Variants in CEP112 observed in about 807,000 individuals in gnomAD.
The protein encoded by CEP112 is centrosomal protein 112, also known as centrosomal protein of 112 kDa.
CEP112 carries 127 observed loss-of-function variants against 153.0 expected under a neutral mutation model. The ratio of observed to expected loss-of-function variants is 0.83; its 90% confidence interval spans 0.72 to 0.96. The LOEUF is 0.96. Among genes scored for constraint, CEP112 ranks in the 40% least tolerant of loss-of-function variants. CEP112 has a pLI of 0.00. For missense variants in CEP112, 1,089 were observed against 1,101.2 expected (o/e 0.99, Z 0.16); for synonymous variants, 358 against 374.4 (o/e 0.96, Z 0.51).
intron 23 of CEP112, among the ~76,000 whole-genome samples, chr17:65,718,931 G>A (rs1297720579): frequency 1.3e-5 from 2 of 152,204 alleles, no homozygotes; most frequent in African/African-American, 2.4e-5. Flanking sequence ...GAGAGGTAGA[G>A]AGAAAGGGAA....
At chr17:66,016,138 C>T (rs564904987) in intron 16 of CEP112, among the ~76,000 whole-genome samples, 13 of 152,238 alleles carry the variant, frequency 8.5e-5, no homozygotes, top group Middle Eastern at 6.8e-3. Flanking sequence ...TCATAGATAT[C>T]ATATCTTCTT....
Position 65,655,106 on chromosome 17 carries a change from G to A in CEP112, c.2698-14041C>T, listed in dbSNP as rs544099433. 791 of 713,646 alleles carry A rather than the reference G, an allele frequency of 1.1e-3. 11 individuals carry two copies. The highest frequency in any genetic ancestry group is 9.8e-3 in the South Asian group (724 of 74,028). 44.2% of individuals were successfully genotyped at this position (713,646 alleles called of 1,614,324 possible). On this transcript the variant is annotated intron_variant, in intron 24 of 26. Coordinates refer to ENST00000535342, the MANE Select transcript of CEP112 (RefSeq NM_001199165.4). ...CACCAATAATGTGTTTAAAGTTGGC[G>A]TCATTCCCAAGCCATGGAGATGGGA... is the stretch of plus-strand genomic sequence containing the variant.
At chr17:65,886,406 CAG>C (rs1317497724) in intron 20 of CEP112, among the ~76,000 whole-genome samples, 4 of 152,134 alleles carry the variant, frequency 2.6e-5, no homozygotes, top group African/African-American at 9.7e-5. Flanking sequence ...TTTAATTTGT[CAG>C]AGTTTCTGCA....
intron 4 of CEP112, among the ~76,000 whole-genome samples, chr17:66,162,607 G>C (rs764803541): frequency 6.6e-6 from 1 of 152,158 alleles, no homozygotes; most frequent in African/African-American, 2.4e-5. Context: ...ATTGCTAAAT[G>C]CAACAACATG....
intron 24 of CEP112, among the ~76,000 whole-genome samples, chr17:65,687,458 GC>G (rs2047865929): frequency 1.3e-5 from 2 of 151,908 alleles, no homozygotes; most frequent in South Asian, 4.1e-4. Context: ...GAGCCACTGC[GC>G]CCGGCCTAGT....
At chr17:65,897,582 C>G (rs576710772) in intron 20 of CEP112, among the ~76,000 whole-genome samples, 1 of 152,048 alleles carries the variant, frequency 6.6e-6, no homozygotes, top group Non-Finnish European at 1.5e-5. Context: ...ATTCCTGGCA[C>G]AGTGATGAAA....
chr17:65,780,546 A>G (rs1373026356), intron 21 of CEP112, among the ~76,000 whole-genome samples: 1 of 152,066 alleles, frequency 6.6e-6, no homozygotes, highest in African/African-American at 2.4e-5. Context: ...TTTTTTTAAA[A>G]TCTCTACCTT....
At chr17:65,720,993 ATCTC>A (rs1311977514) in intron 23 of CEP112, among the ~76,000 whole-genome samples, 86 of 128,240 alleles carry the variant, frequency 6.7e-4, no homozygotes, top group Middle Eastern at 3.9e-3. Context: ...TTTAAGTTTT[ATCTC>A]TCTCTCTCTC....
chr17:66,063,954 T>G (rs2067019913), intron 10 of CEP112, among the ~76,000 whole-genome samples: 1 of 152,172 alleles, frequency 6.6e-6, no homozygotes, highest in African/African-American at 2.4e-5. Context: ...AAACTCCTAC[T>G]CATCCTTAGA....
intron 22 of CEP112, among the ~76,000 whole-genome samples, chr17:65,749,379 G>A (rs943077125): frequency 1.3e-5 from 2 of 152,088 alleles, no homozygotes; most frequent in Admixed American, 1.3e-4. Context: ...GTGGTGGCGG[G>A]CACCTGTAGT....
At chr17:65,815,651 A>C (rs1023725739) in intron 21 of CEP112, among the ~76,000 whole-genome samples, 1 of 152,056 alleles carries the variant, frequency 6.6e-6, no homozygotes, top group African/African-American at 2.4e-5. Context: ...ATTTCCTTCC[A>C]TTTAATTACA....
intron 24 of CEP112, among the ~76,000 whole-genome samples, chr17:65,668,006 C>T (rs2046784359): frequency 6.6e-6 from 1 of 152,054 alleles, no homozygotes; most frequent in African/African-American, 2.4e-5. Context: ...AAGTGATTCT[C>T]CTGGTTCAGC....
chr17:65,882,377 C>T (rs562694149), intron 20 of CEP112, among the ~76,000 whole-genome samples: 10 of 152,262 alleles, frequency 6.6e-5, no homozygotes, highest in South Asian at 4.1e-4. Context: ...TAAGAAGGCC[C>T]GTAGTACATG....
At chr17:65,823,993 G>C (rs2056719378) in intron 21 of CEP112, among the ~76,000 whole-genome samples, 1 of 152,112 alleles carries the variant, frequency 6.6e-6, no homozygotes, top group Non-Finnish European at 1.5e-5. Flanking sequence ...ATACACTGCT[G>C]GTGGGAGTGC....
At chr17:65,809,862 A>G (rs974393512) in intron 21 of CEP112, among the ~76,000 whole-genome samples, 76 of 150,700 alleles carry the variant, frequency 5.0e-4, no homozygotes, top group Non-Finnish European at 8.9e-4. Flanking sequence ...TGGGGGGGGG[A>G]AGATAAGGTG....
intron 8 of CEP112, among the ~76,000 whole-genome samples, chr17:66,075,317 T>C (rs1232954049): frequency 6.6e-6 from 1 of 152,048 alleles, no homozygotes; most frequent in Non-Finnish European, 1.5e-5. Flanking sequence ...AGGTGGAAAT[T>C]AGAAAATGGG....
chr17:66,145,308 T>C (rs1249109557), intron 4 of CEP112, among the ~76,000 whole-genome samples: 1 of 152,186 alleles, frequency 6.6e-6, no homozygotes, highest in Non-Finnish European at 1.5e-5. Flanking sequence ...ATATATGTGA[T>C]GAAAATTTTT....
rs73336700 is a variant in CEP112, at chr17:65,968,949, T to C, written c.1737-7351A>G. Among the ~76,000 whole-genome samples the C allele has an allele frequency of 8.6e-3, 1,304 of 152,338 alleles. 21 individuals carry two copies. Among genetic ancestry groups the C allele is most frequent in the African/African-American group, 0.03 (1,237 of 41,574 alleles). Reference sequence around the variant, plus strand: ...TAGCAATATTTGTATATCAAATATCTAGAGTATTTGAAAGCTAAAATGTTC... The same window carrying C: ...TAGCAATATTTGTATATCAAATATCCAGAGTATTTGAAAGCTAAAATGTTC... On this transcript the variant is annotated intron_variant, in intron 17 of 26. Transcript: ENST00000535342.
chr17:66,166,765 G>A (rs972416871), intron 4 of CEP112, among the ~76,000 whole-genome samples: 12 of 151,972 alleles, frequency 7.9e-5, no homozygotes, highest in African/African-American at 1.9e-4. Context: ...TTAGCCAGGC[G>A]TGGTGGCACA....
Sources: allele counts gnomAD v4.1 joint callset (sites outside exome capture counted in the v4.1 genomes callset), GRCh38; gene constraint gnomAD v4.1.1; transcripts MANE v1.5; gene names NCBI Gene and HGNC (gene_info 2026-07-23, HGNC 2026-07-21).